The following THEMIS variants were observed in gnomAD, a reference collection of about 807,000 sequenced individuals.
THEMIS encodes thymocyte selection associated, also known as protein THEMIS.
In THEMIS, 37 loss-of-function variants were observed where a neutral mutation model predicts 52.6. The observed-to-expected ratio is 0.70, with a 90% CI of 0.54 to 0.93. The LOEUF is 0.93. Ranked by LOEUF, THEMIS falls within the 40% of genes least tolerant of loss-of-function variation. THEMIS has a pLI of 0.00. For missense variants in THEMIS, 808 were observed against 763.1 expected, an observed-to-expected ratio of 1.06 and a Z score of -0.69; for synonymous variants, 292 against 272.7, an observed-to-expected ratio of 1.07 and a Z score of -0.70.
Position 127,895,979 on chromosome 6 carries a change from G to T in THEMIS, c.91+4863C>A, listed in dbSNP as rs191564056. ...ACATTCTAACAAAAAAAAATAGTAA[G>T]CCAAATTCAGTGAAATATGACCCCA... On this transcript the variant is annotated intron_variant, in intron 1 of 5. Coordinates refer to ENST00000368248, the MANE Select transcript of THEMIS (RefSeq NM_001010923.3). Among the ~76,000 whole-genome samples, 218 of 151,172 alleles carry T rather than the reference G, an allele frequency of 1.4e-3. 1 individual carries two copies. Among genetic ancestry groups the T allele is most frequent in the Admixed American group, 2.7e-3 (41 of 15,150 alleles).
At chr6:127,904,705 G>A (rs1273485357), upstream of THEMIS, among the ~76,000 whole-genome samples, 2 of 151,998 alleles carry the variant, frequency 1.3e-5, no homozygotes, top group Non-Finnish European at 2.9e-5. Context: ...GGGTAATTCC[G>A]ATATTGGAAT....
At chr6:127,845,394 T>C (rs184867571) in intron 2 of THEMIS, among the ~76,000 whole-genome samples, 2 of 151,988 alleles carry the variant, frequency 1.3e-5, no homozygotes, top group East Asian at 3.9e-4. Flanking sequence ...TGGGAAGCAT[T>C]TATTGAAGAA....
intron 2 of THEMIS, among the ~76,000 whole-genome samples, chr6:127,841,718 G>C (rs916152523): frequency 2.3e-4 from 1 of 4,436 alleles, no homozygotes; most frequent in African/African-American, 8.5e-4. Context: ...TAAAAAGCAA[G>C]AGAAAAAAAA....
At chr6:127,913,517 T>C in intron 1 of THEMIS, among the ~76,000 whole-genome samples, 1 of 152,202 alleles carries the variant, frequency 6.6e-6, no homozygotes, top group East Asian at 1.9e-4. Context: ...TTGTATTTAA[T>C]TGAATAATCT....
chr6:127,805,390 T>A (rs1247839856), intron 4 of THEMIS, among the ~76,000 whole-genome samples: 1 of 152,104 alleles, frequency 6.6e-6, no homozygotes, highest in Non-Finnish European at 1.5e-5. Context: ...AGTTTACGGC[T>A]ATAAAAGGTT....
intron 2 of THEMIS, among the ~76,000 whole-genome samples, chr6:127,843,642 G>C (rs376282356): frequency 1.3e-5 from 2 of 151,912 alleles, no homozygotes; most frequent in Admixed American, 6.6e-5. Context: ...ATGGTGCCCA[G>C]TTATTTCTCC....
intron 1 of THEMIS, among the ~76,000 whole-genome samples, chr6:127,896,584 T>C (rs1780974451): frequency 6.6e-6 from 1 of 151,502 alleles, no homozygotes; most frequent in Admixed American, 6.6e-5. Context: ...CTAATCAAAA[T>C]TCCAGGAGGA....
rs566425883 is a variant in THEMIS at position 127,830,028 on chromosome 6, C to T, written c.251-94G>A. On this transcript the variant is annotated intron_variant, in intron 2 of 5. Coordinates refer to ENST00000368248, the MANE Select transcript of THEMIS (RefSeq NM_001010923.3). ...GGAGAGAGTTACAACACAAGTACTGCATACATTTTTAAAGTGATATCTTTT... is the reference window on the plus strand; with the variant it reads ...GGAGAGAGTTACAACACAAGTACTGTATACATTTTTAAAGTGATATCTTTT... 3.5e-5 allele frequency: 29 copies of T among 839,698 alleles called. No homozygotes were observed. In the African/African-American group the frequency reaches 4.8e-4, roughly 14 times the overall value. The allele number at this position is 839,698 out of a possible 1,614,324, so 52.0% of individuals were successfully genotyped here.
intron 3 of THEMIS, among the ~76,000 whole-genome samples, chr6:127,825,151 TAGAAA>T (rs973339816): frequency 1.5e-4 from 23 of 151,268 alleles, no homozygotes; most frequent in Admixed American, 1.2e-3. Flanking sequence ...AGATATAAAA[TAGAAA>T]AGAAAAAAGG....
chr6:127,757,196 C>T (rs115527722), intron 4 of THEMIS, among the ~76,000 whole-genome samples: 2,655 of 152,084 alleles, frequency 0.017, 98 homozygotes, highest in African/African-American at 0.061. Context: ...GGCTAGTGGC[C>T]GTATTAGTCA....
chr6:127,812,123 G>A (rs1231585231), intron 4 of THEMIS, among the ~76,000 whole-genome samples: 2 of 152,110 alleles, frequency 1.3e-5, no homozygotes, highest in East Asian at 1.9e-4. Flanking sequence ...ACAGAACCAC[G>A]TCTGGATAAA....
chr6:127,805,257 T>C (rs1415333078), intron 4 of THEMIS, among the ~76,000 whole-genome samples: 1 of 152,086 alleles, frequency 6.6e-6, no homozygotes, highest in East Asian at 1.9e-4. Context: ...TATTTTAACC[T>C]CTTACAAAGA....
intron 4 of THEMIS, among the ~76,000 whole-genome samples, chr6:127,778,677 A>ATT (rs1011230893): frequency 6.6e-6 from 1 of 152,128 alleles, no homozygotes; most frequent in Non-Finnish European, 1.5e-5. Flanking sequence ...CCATGTGTTC[A>ATT]TTAAAAGGAA....
chr6:127,886,782 C>G (rs996616404), intron 1 of THEMIS, among the ~76,000 whole-genome samples: 11 of 152,114 alleles, frequency 7.2e-5, no homozygotes, highest in African/African-American at 2.4e-4. Flanking sequence ...ACTGACAGCT[C>G]ATGTTTGGTT....
chr6:127,781,539 T>A (rs1329133647), intron 4 of THEMIS, among the ~76,000 whole-genome samples: 1 of 152,146 alleles, frequency 6.6e-6, no homozygotes, highest in Non-Finnish European at 1.5e-5. Context: ...ATCTATCTTT[T>A]GTCTTTGATG....
At chr6:127,860,634 A>G (rs1486380164) in intron 1 of THEMIS, among the ~76,000 whole-genome samples, 1 of 152,114 alleles carries the variant, frequency 6.6e-6, no homozygotes, top group Non-Finnish European at 1.5e-5. Flanking sequence ...GGAAGCAATA[A>G]AAGTTCCTAC....
Position 127,813,787 on chromosome 6 carries a change from G to T in THEMIS, c.854C>A (p.Thr285Asn), listed in dbSNP as rs1283211324. Reference protein sequence around the residue: ...EMTSKEFPIVTEVIEAPEGNH... With the variant: ...EMTSKEFPIVNEVIEAPEGNH... Reference sequence around the variant, plus strand: ...TCCTTCAGGTGCTTCTATGACTTCAGTCACTATGGGGAACTCTTTACTAGT... The same window carrying T: ...TCCTTCAGGTGCTTCTATGACTTCATTCACTATGGGGAACTCTTTACTAGT... Residue 285 changes from threonine to asparagine, a missense_variant, in exon 4 of 6, where the codon ACT (threonine) becomes AAT (asparagine). Physicochemically the swap from Thr to Asn is moderately conservative, Grantham distance 65. Coordinates refer to ENST00000368248, the MANE Select transcript of THEMIS (RefSeq NM_001010923.3). 6.2e-7 allele frequency: 1 copy of T among 1,613,998 alleles called. No homozygotes were observed. Among genetic ancestry groups the T allele is most frequent in the Non-Finnish European group, 8.5e-7 (1 of 1,179,988 alleles).
intron 1 of THEMIS, among the ~76,000 whole-genome samples, chr6:127,879,118 C>T (rs761411916): frequency 1.3e-5 from 2 of 152,142 alleles, no homozygotes; most frequent in South Asian, 2.1e-4. Flanking sequence ...CAAAAGAATG[C>T]TATTTCTAAT....
intron 4 of THEMIS, among the ~76,000 whole-genome samples, chr6:127,785,983 C>T (rs1312606599): frequency 1.3e-5 from 2 of 152,044 alleles, no homozygotes; most frequent in African/African-American, 4.8e-5. Flanking sequence ...CTCATATGTA[C>T]TCCCTCTTAG....
Sources: gnomAD v4.1 joint callset for allele counts (sites outside exome capture counted in the v4.1 genomes callset) on GRCh38, gnomAD v4.1.1 for gene constraint, MANE v1.5 for transcripts, NCBI Gene and HGNC (gene_info 2026-07-23, HGNC 2026-07-21) for gene names.